Variants in ABI1 observed in about 807,000 individuals in gnomAD.
The protein encoded by ABI1 is abl interactor 1.
A neutral mutation model predicts 54.6 loss-of-function variants in ABI1; 14 were observed. That is an observed-to-expected ratio of 0.26 (90% CI 0.17 to 0.40). The LOEUF is 0.40. ABI1 is among the 10% of genes least tolerant of loss of function. The pLI, the probability that ABI1 is intolerant of heterozygous loss-of-function variation, is 1.00. For missense variants in ABI1, 443 were observed against 598.3 expected, an observed-to-expected ratio of 0.74 and a Z score of 2.71; for synonymous variants, 194 against 209.3, an observed-to-expected ratio of 0.93 and a Z score of 0.63.
At position 26,860,124 on chromosome 10, in the gene ABI1, C is replaced by T. The variant is rs536614157; in HGVS notation, c.117+623G>A. 5.9e-5 allele frequency among the ~76,000 whole-genome samples: 9 copies of T among 152,314 alleles called. No individual in the cohort carries two copies. The South Asian group carries it at 1.7e-3, about 28-fold the overall frequency. ...CTCCCCACACCCGCTTCCTCCTCTC[C>T]TCCGGGAGGTCGGTGTAATGTGACT... On this transcript the variant is annotated intron_variant, in intron 1 of 10. Coordinates refer to ENST00000376140, the MANE Select transcript of ABI1 (RefSeq NM_001012750.3). This position sits in a 1 kb window ranked among gnomAD's most constrained non-coding sequence, Gnocchi z 4.1.
chr10:26,761,529 C>T (rs1399089434), intron 7 of ABI1, among the ~76,000 whole-genome samples: 1 of 148,044 alleles, frequency 6.8e-6, no homozygotes, highest in Non-Finnish European at 1.5e-5. Context: ...AACAAGATCA[C>T]TGAGGCTTCC....
At chr10:26,782,204 C>T (rs1000258089) in intron 2 of ABI1, among the ~76,000 whole-genome samples, 2 of 152,154 alleles carry the variant, frequency 1.3e-5, no homozygotes, top group Non-Finnish European at 2.9e-5. Context: ...TTTTTACTTT[C>T]CACATCATTT....
intron 7 of ABI1, among the ~76,000 whole-genome samples, chr10:26,762,273 G>C (rs1407448962): frequency 6.6e-6 from 1 of 152,158 alleles, no homozygotes. Context: ...CTCCCAAAGT[G>C]CTAGGATTAG....
intron 6 of ABI1, among the ~76,000 whole-genome samples, chr10:26,768,538 CA>C (rs992071667): frequency 3.6e-4 from 44 of 122,058 alleles, no homozygotes; most frequent in Admixed American, 7.6e-4. Context: ...AACTCCGTCA[CA>C]AAAAAAAAAA....
chr10:26,793,790 A>T (rs1843765468), intron 2 of ABI1, among the ~76,000 whole-genome samples: 1 of 152,220 alleles, frequency 6.6e-6, no homozygotes, highest in Admixed American at 6.5e-5. Context: ...ATGAATTTGA[A>T]CTTAATTCTT....
intron 2 of ABI1, among the ~76,000 whole-genome samples, chr10:26,780,255 C>G (rs1305796726): frequency 6.6e-6 from 1 of 152,102 alleles, no homozygotes; most frequent in African/African-American, 2.4e-5. Flanking sequence ...AAGACAAGGT[C>G]TCGCTCTGTC....
chr10:26,798,881 A>C (rs2046367126), intron 2 of ABI1, among the ~76,000 whole-genome samples: 1 of 152,022 alleles, frequency 6.6e-6, no homozygotes, highest in Non-Finnish European at 1.5e-5. Flanking sequence ...TTACAACACA[A>C]ATTTACAAAA....
At chr10:26,789,853 TC>T (rs1047021431) in intron 2 of ABI1, among the ~76,000 whole-genome samples, 4 of 152,170 alleles carry the variant, frequency 2.6e-5, no homozygotes, top group Admixed American at 2.6e-4. Flanking sequence ...ATCATTTAGC[TC>T]CTACATATAA....
Position 26,754,804 on chromosome 10 carries a change from T to C in ABI1, c.1084+851A>G, listed in dbSNP as rs145164041. 9.3e-3 allele frequency among the ~76,000 whole-genome samples: 1,413 copies of C among 152,316 alleles called. 8 individuals carry two copies. The highest frequency in any genetic ancestry group is 0.017 in the Non-Finnish European group (1,129 of 68,022). On this transcript the variant is annotated intron_variant, in intron 9 of 10. Transcript: ENST00000376140. ...TTTCTAGCATATTATAATTCAGTAATAGTGGTATTTTTCACTTTATATAAG... is the reference window on the plus strand; with the variant it reads ...TTTCTAGCATATTATAATTCAGTAACAGTGGTATTTTTCACTTTATATAAG...
chr10:26,806,567 C>T (rs2046890168), intron 2 of ABI1, among the ~76,000 whole-genome samples: 1 of 152,140 alleles, frequency 6.6e-6, no homozygotes, highest in African/African-American at 2.4e-5. Context: ...CCTTGCATAA[C>T]GTTCTTAAAC....
At chr10:26,803,485 T>C (rs1051572192) in intron 2 of ABI1, among the ~76,000 whole-genome samples, 7 of 152,170 alleles carry the variant, frequency 4.6e-5, no homozygotes, top group Admixed American at 3.9e-4. Flanking sequence ...AGAGTGGAAA[T>C]GTAGAGAACA....
At chr10:26,761,957 C>T (rs992377421) in intron 7 of ABI1, among the ~76,000 whole-genome samples, 2 of 151,954 alleles carry the variant, frequency 1.3e-5, no homozygotes, top group Non-Finnish European at 2.9e-5. Flanking sequence ...ATTCCTGAAT[C>T]TCTAGGACAG....
intron 2 of ABI1, among the ~76,000 whole-genome samples, chr10:26,785,239 G>A (rs924428371): frequency 1.3e-5 from 2 of 152,220 alleles, no homozygotes; most frequent in African/African-American, 2.4e-5. Flanking sequence ...GGTGAATACT[G>A]TTGGAAGGCA....
intron 2 of ABI1, among the ~76,000 whole-genome samples, chr10:26,802,472 A>C (rs1038318816): frequency 3.9e-5 from 6 of 152,166 alleles, no homozygotes; most frequent in African/African-American, 1.2e-4. Context: ...CAATTGTTTG[A>C]GAGAGAGAAG....
At chr10:26,813,512 G>T (rs186016631) in intron 2 of ABI1, among the ~76,000 whole-genome samples, 3 of 152,058 alleles carry the variant, frequency 2.0e-5, no homozygotes. Flanking sequence ...TATAATATTC[G>T]CAATACATAA....
At chr10:26,816,986 T>TTGTGTGTGTGTGTGTG (rs71403891) in intron 2 of ABI1, among the ~76,000 whole-genome samples, 1,558 of 143,836 alleles carry the variant, frequency 0.011, 29 homozygotes, top group African/African-American at 0.033. Flanking sequence ...TGCAAAGACT[T>TTGTGTGTGTGTGTGTG]TGTGTGTGTG....
chr10:26,816,863 C>A (rs973560011), intron 2 of ABI1, among the ~76,000 whole-genome samples: 2 of 152,124 alleles, frequency 1.3e-5, no homozygotes, highest in Non-Finnish European at 2.9e-5. Flanking sequence ...TCTCCAATAA[C>A]CATGCAAAAT....
At position 26,860,380 on chromosome 10, in the gene ABI1, G is replaced by A. The variant is rs972256669; in HGVS notation, c.117+367C>T. On this transcript the variant is annotated intron_variant, in intron 1 of 10. Coordinates refer to ENST00000376140, the MANE Select transcript of ABI1 (RefSeq NM_001012750.3). This position sits in a 1 kb window ranked among gnomAD's most constrained non-coding sequence, Gnocchi z 4.1. ...CGCGGCGGCAGCTCGGGGGTATTCCGGGACTCCAGCCCTGCGGACTGGAGG... is the reference window on the plus strand; with the variant it reads ...CGCGGCGGCAGCTCGGGGGTATTCCAGGACTCCAGCCCTGCGGACTGGAGG... Among the ~76,000 whole-genome samples, 1 of 152,030 alleles carries A rather than the reference G, an allele frequency of 6.6e-6. No homozygotes were observed. The highest frequency in any genetic ancestry group is 6.5e-5 in the Admixed American group (1 of 15,268).
chr10:26,765,337 ACTGT>A lies in ABI1; in HGVS notation c.720-23_720-20del. ...ACTTCCACTGAAAAGAAAAAAAAAA[ACTGT>A]GAAAAACCAATTCTAGAGACATATT... is the stretch of plus-strand genomic sequence containing the variant. On this transcript the variant is annotated intron_variant, in intron 6 of 10. Coordinates refer to ENST00000376140, the MANE Select transcript of ABI1 (RefSeq NM_001012750.3). The A allele has an allele frequency of 6.5e-7, 1 of 1,528,520 alleles. No homozygotes were observed. The highest frequency in any genetic ancestry group is 8.8e-7 in the Non-Finnish European group (1 of 1,130,864). The allele number at this position is 1,528,520 out of a possible 1,614,324, so 94.7% of individuals were successfully genotyped here.
Sources: gnomAD v4.1 joint callset for allele counts (sites outside exome capture counted in the v4.1 genomes callset) on GRCh38, gnomAD v4.1.1 for gene constraint, Gnocchi (gnomAD v3.1) non-coding constraint, MANE v1.5 for transcripts, NCBI Gene and HGNC (gene_info 2026-07-23, HGNC 2026-07-21) for gene names.